The following UBAP2 variants were observed in gnomAD, a reference collection of about 807,000 sequenced individuals.
UBAP2 encodes the protein ubiquitin-associated protein 2.
In UBAP2, 75 loss-of-function variants were observed where a neutral mutation model predicts 139.6. That is an observed-to-expected ratio of 0.54 (90% CI 0.45 to 0.65). UBAP2 has a LOEUF of 0.65. Among genes scored for constraint, UBAP2 ranks in the 30% least tolerant of loss-of-function variants. UBAP2 has a pLI of 0.00. For missense variants in UBAP2, 1,368 were observed against 1,369.6 expected, an observed-to-expected ratio of 1.00 and a Z score of 0.02; for synonymous variants, 526 against 526.2, an observed-to-expected ratio of 1.00 and a Z score of 0.01.
At chr9:34,044,401 G>GA (rs1314602938) in intron 1 of UBAP2, among the ~76,000 whole-genome samples, 1,879 of 138,004 alleles carry the variant, frequency 0.014, 43 homozygotes, top group African/African-American at 0.043. Flanking sequence ...ACTCTGTCTC[G>GA]AAAAAAAAAA....
chr9:33,948,945 T>A (rs1001781772), intron 12 of UBAP2: 1 of 188,836 alleles, frequency 5.3e-6, no homozygotes, highest in African/African-American at 2.3e-5. Context: ...GTCAGGCGGA[T>A]CACGAGGTCA....
At chr9:33,971,073 G>T (rs1473889698) in intron 8 of UBAP2, among the ~76,000 whole-genome samples, 1 of 152,176 alleles carries the variant, frequency 6.6e-6, no homozygotes, top group African/African-American at 2.4e-5. Context: ...AAAGTGCTGG[G>T]ATTACAGGTG....
chr9:33,940,584 G>C (rs1167232246), intron 16 of UBAP2, among the ~76,000 whole-genome samples: 2 of 152,194 alleles, frequency 1.3e-5, no homozygotes, highest in African/African-American at 4.8e-5. Context: ...TTCAAGATCA[G>C]ACTGGGCAAC....
chr9:34,018,229 ATTT>A (rs34798627), intron 1 of UBAP2, among the ~76,000 whole-genome samples: 16 of 142,266 alleles, frequency 1.1e-4, no homozygotes, highest in Admixed American at 1.4e-4. Context: ...AGCGATTACA[ATTT>A]TTTTTTTTTT....
chr9:34,044,833 T>C (rs1415722181), intron 1 of UBAP2, among the ~76,000 whole-genome samples: 1 of 152,016 alleles, frequency 6.6e-6, no homozygotes, highest in African/African-American at 2.4e-5. Context: ...ACCACTGCAC[T>C]CCAACCTGGG....
At chr9:34,036,023 A>C (rs1383404900) in intron 1 of UBAP2, among the ~76,000 whole-genome samples, 1 of 152,144 alleles carries the variant, frequency 6.6e-6, no homozygotes, top group African/African-American at 2.4e-5. Context: ...GAACAAAGCA[A>C]AATAACAGCA....
intron 19 of UBAP2, among the ~76,000 whole-genome samples, chr9:33,929,087 A>G (rs917926607): frequency 6.6e-6 from 1 of 152,216 alleles, no homozygotes; most frequent in African/African-American, 2.4e-5. Flanking sequence ...CCCCACCAGG[A>G]GCGGGCCAAA....
chr9:33,940,307 C>G (rs1825093903), intron 16 of UBAP2, among the ~76,000 whole-genome samples: 1 of 151,918 alleles, frequency 6.6e-6, no homozygotes, highest in African/African-American at 2.4e-5. Context: ...TGTATACACC[C>G]TAGGAGGGGT....
chr9:33,992,260 T>G (rs978236705), intron 4 of UBAP2, among the ~76,000 whole-genome samples: 1 of 151,826 alleles, frequency 6.6e-6, no homozygotes, highest in African/African-American at 2.4e-5. Flanking sequence ...TGGTGGCGCA[T>G]TCCTGTAATC....
chr9:33,988,048 G>A (rs1587618472), intron 5 of UBAP2, among the ~76,000 whole-genome samples: 1 of 152,274 alleles, frequency 6.6e-6, no homozygotes, highest in East Asian at 1.9e-4. Flanking sequence ...GAATTCCAGT[G>A]AGGCTTTCCT....
rs768391467 is a variant in UBAP2, at chr9:33,923,280, C to G, written c.2910G>C (p.Leu970=). The G allele has an allele frequency of 6.2e-7, 1 of 1,614,192 alleles. No homozygotes were observed. The highest frequency in any genetic ancestry group is 1.1e-5 in the South Asian group (1 of 91,076). Residue 970 remains leucine, a synonymous_variant, in exon 26 of 29, where the codon CTG becomes CTC. Transcript: ENST00000379238. The part of the protein sequence containing the change: ...QHGYSTGYDD[L]TQGTAAGDYS... ...AGTCTCCTGCTGCTGTCCCCTGGGTCAGGTCGTCATAACCTAGCGTGGCAG... is the reference window on the plus strand; with the variant it reads ...AGTCTCCTGCTGCTGTCCCCTGGGTGAGGTCGTCATAACCTAGCGTGGCAG...
At chr9:34,013,287 C>T (rs536224574) in intron 2 of UBAP2, among the ~76,000 whole-genome samples, 5 of 152,146 alleles carry the variant, frequency 3.3e-5, no homozygotes, top group African/African-American at 7.2e-5. Context: ...CAGTGGCTCA[C>T]GCCTGTAATC....
At chr9:34,031,170 G>A (rs190498810) in intron 1 of UBAP2, among the ~76,000 whole-genome samples, 53 of 150,574 alleles carry the variant, frequency 3.5e-4, no homozygotes, top group African/African-American at 1.2e-3. Flanking sequence ...CCTACTACTC[G>A]GGAGGCTGAG....
At chr9:33,995,459 T>C (rs1477409859) in intron 4 of UBAP2, 2 of 137,786 alleles carry the variant, frequency 1.5e-5, no homozygotes. Context: ...TTATATATAA[T>C]ATATATTAAA....
chr9:34,041,486 CAA>C (rs1479198428), intron 1 of UBAP2, among the ~76,000 whole-genome samples: 1 of 128,018 alleles, frequency 7.8e-6, no homozygotes, highest in Non-Finnish European at 1.7e-5. Context: ...AAAAAACAAA[CAA>C]GAGTCCATGA....
At chr9:34,001,972 A>C (rs1822744975) in intron 2 of UBAP2, among the ~76,000 whole-genome samples, 1 of 151,900 alleles carries the variant, frequency 6.6e-6, no homozygotes, top group Admixed American at 6.6e-5. Flanking sequence ...CATTAAAAAA[A>C]AAAAACAAAA....
chr9:33,966,034 A>T (rs1827424464), intron 8 of UBAP2, among the ~76,000 whole-genome samples: 1 of 149,756 alleles, frequency 6.7e-6, no homozygotes, highest in Non-Finnish European at 1.5e-5. Context: ...TGACTGACGA[A>T]GCGAGACTCC....
chr9:33,979,538 G>A (rs564991680), intron 6 of UBAP2, among the ~76,000 whole-genome samples: 1 of 151,616 alleles, frequency 6.6e-6, no homozygotes, highest in Non-Finnish European at 1.5e-5. Context: ...TCCCACCATC[G>A]CACTCCAGCC....
At chr9:33,933,683 C>G (rs956676566) in intron 17 of UBAP2, 55 bp from the exon 18 acceptor site, 2 of 1,593,028 alleles carry the variant, frequency 1.3e-6, no homozygotes, top group Non-Finnish European at 1.7e-6. Context: ...TAAAACCAAT[C>G]CTAAGTGCCT....
Sources: allele counts gnomAD v4.1 joint callset (sites outside exome capture counted in the v4.1 genomes callset), GRCh38; gene constraint gnomAD v4.1.1; transcripts MANE v1.5; gene names NCBI Gene and HGNC (gene_info 2026-07-23, HGNC 2026-07-21).